The following APBB1 variants were observed in gnomAD, a reference collection of about 807,000 sequenced individuals.
The protein encoded by APBB1 is adaptor protein FE65a2.
Under a neutral mutation model 78.4 loss-of-function variants are expected in APBB1, and 22 were observed. That is an observed-to-expected ratio of 0.28 (90% CI 0.20 to 0.40). APBB1 has a LOEUF of 0.40. APBB1 is among the 10% of genes least tolerant of loss of function. APBB1 has a pLI of 1.00. For missense variants in APBB1, 749 were observed against 932.4 expected (o/e 0.80, Z 2.56); for synonymous variants, 369 against 372.7 (o/e 0.99, Z 0.12).
At chr11:6,404,193 G>A (rs547209450) in intron 2 of APBB1, 4 of 365,794 alleles carry the variant, frequency 1.1e-5, no homozygotes, top group East Asian at 4.4e-5. Context: ...TCCTGCACAC[G>A]TACATGTATA....
chr11:6,416,413 A>G (rs1291404655), intron 1 of APBB1, among the ~76,000 whole-genome samples: 1 of 152,118 alleles, frequency 6.6e-6, no homozygotes, highest in Non-Finnish European at 1.5e-5. Flanking sequence ...TCAAATCTCC[A>G]TTTCAGACCC....
chr11:6,401,876 G>A lies in APBB1; in HGVS notation c.1388+101C>T, dbSNP rs769744896. On this transcript the variant is annotated intron_variant, in intron 9 of 14. Coordinates refer to ENST00000609360, the MANE Select transcript of APBB1 (RefSeq NM_001164.5). The surrounding 1 kb of genome is among the most constrained non-coding windows in gnomAD (Gnocchi z 4.5). ...CAAGCATGCTGAGGTGGAGGGTAAT[G>A]GTGGAGCATAGCGGGTGGGAAGGGG... The A allele has an allele frequency of 3.3e-6, 5 of 1,503,362 alleles. No homozygotes were observed. In the Admixed American group the frequency reaches 5.6e-5, roughly 17 times the overall value. The allele number at this position is 1,503,362 out of a possible 1,614,324, so 93.1% of individuals were successfully genotyped here. A position where few individuals can be genotyped will look rare whatever the true frequency, so the allele number is the denominator to read the frequency against.
intron 1 of APBB1, among the ~76,000 whole-genome samples, chr11:6,416,745 CTTT>C (rs777458150): frequency 6.3e-5 from 9 of 142,880 alleles, no homozygotes; most frequent in Non-Finnish European, 7.7e-5. Flanking sequence ...ACAAAATTCC[CTTT>C]TTTTTTTTTT....
chr11:6,411,020 G>C lies in APBB1; in HGVS notation c.328C>G (p.Pro110Ala). 1 of 1,614,148 alleles carries C rather than the reference G, an allele frequency of 6.2e-7. No homozygotes were observed. The highest frequency in any genetic ancestry group is 8.5e-7 in the Non-Finnish European group (1 of 1,180,034). Residue 110 changes from proline to alanine, a missense_variant, in exon 2 of 15, where the codon CCC becomes GCC. Pro to Ala is a conservative substitution (Grantham distance 27, BLOSUM62 -1). Around this residue, in one of 3 missense-constraint regions of APBB1, gnomAD observed 635 missense variants for 765.0 expected, o/e 0.83. Transcript: ENST00000609360. The surrounding 1 kb of genome is among the most constrained non-coding windows in gnomAD (Gnocchi z 5.2). ...GAGTACAGGTGTATCAGGCCTTTGG[G>C]GCCCAAGGGTGCCATCTCAGGCTCC... ...SQEPEMAPLG[P>A]KGLIHLYSEL... is the part of the protein sequence containing the mutation.
chr11:6,405,203 C>T lies in APBB1; in HGVS notation c.722-1381G>A, dbSNP rs576062875. The T allele has an allele frequency of 1.3e-4, 142 of 1,101,014 alleles. No individual in the cohort carries two copies. The African/African-American group carries it at 1.6e-3, about 12-fold the overall frequency. 68.2% of individuals were successfully genotyped at this position (1,101,014 alleles called of 1,614,324 possible). On this transcript the variant is annotated intron_variant, in intron 2 of 14. Coordinates refer to ENST00000609360, the MANE Select transcript of APBB1 (RefSeq NM_001164.5). ...AGCCCCTAAGGAATACCCCAGCTGC[C>T]TGGGGCCCTGCAGAGCCTATAGCTG... is the stretch of plus-strand genomic sequence containing the variant.
chr11:6,410,755 C>G lies in APBB1; in HGVS notation c.593G>C (p.Gly198Ala), dbSNP rs1446244825. 1 of 1,584,324 alleles carries G rather than the reference C, an allele frequency of 6.3e-7. No homozygotes were observed. The highest frequency in any genetic ancestry group is 8.6e-7 in the Non-Finnish European group (1 of 1,164,566). Residue 198 changes from glycine to alanine, a missense_variant, in exon 2 of 15, where the codon GGC becomes GCC. Physicochemically the swap from Gly to Ala is moderately conservative, Grantham distance 60. Around this residue, in one of 3 missense-constraint regions of APBB1, gnomAD observed 635 missense variants for 765.0 expected, o/e 0.83. Coordinates refer to ENST00000609360, the MANE Select transcript of APBB1 (RefSeq NM_001164.5). Reference sequence around the variant, plus strand: ...GGCACTCTTGCTGTGTTCCCGGGGGCCATCTGTAAGGGCTTGGGGCCTGGG... The same window carrying G: ...GGCACTCTTGCTGTGTTCCCGGGGGGCATCTGTAAGGGCTTGGGGCCTGGG... ...APPRPQALTDGPREHSKSASL... is the reference protein window; with the variant it reads ...APPRPQALTDAPREHSKSASL...
chr11:6,405,271 G>A (rs566857799), intron 2 of APBB1: 23 of 1,000,698 alleles, frequency 2.3e-5, no homozygotes, highest in Middle Eastern at 5.1e-4. Flanking sequence ...CAGGGATCCC[G>A]CCCCTGTCCA....
intron 2 of APBB1, chr11:6,405,376 C>A: frequency 1.0e-6 from 1 of 987,060 alleles, no homozygotes; most frequent in East Asian, 1.1e-4. Flanking sequence ...GCACCACCCC[C>A]CACCCCTCAC....
At chr11:6,406,252 ATTCC>A (rs951898507) in intron 2 of APBB1, among the ~76,000 whole-genome samples, 1 of 152,212 alleles carries the variant, frequency 6.6e-6, no homozygotes, top group Non-Finnish European at 1.5e-5. Context: ...TTCACGTATC[ATTCC>A]TTCCTTCCTT....
At position 6,403,259 on chromosome 11, in the gene APBB1, C is replaced by T; in HGVS notation, c.1041-51G>A. ...ACAGGGCTCCCATAAATGGAGCTGTCCCAAGGCCCCTTCCAGACAGATCCA... is the reference window on the plus strand; with the variant it reads ...ACAGGGCTCCCATAAATGGAGCTGTTCCAAGGCCCCTTCCAGACAGATCCA... On this transcript the variant is annotated intron_variant, in intron 5 of 14. Coordinates refer to ENST00000609360, the MANE Select transcript of APBB1 (RefSeq NM_001164.5). This position sits in a 1 kb window ranked among gnomAD's most constrained non-coding sequence, Gnocchi z 5.3. 1 of 1,610,688 alleles carries T rather than the reference C, an allele frequency of 6.2e-7. No individual in the cohort carries two copies. The highest frequency in any genetic ancestry group is 8.5e-7 in the Non-Finnish European group (1 of 1,177,992).
Position 6,410,636 on chromosome 11 carries a change from C to T in APBB1, c.712G>A (p.Glu238Lys), listed in dbSNP as rs1848933965. 6.6e-7 allele frequency: 1 copy of T among 1,516,604 alleles called. No individual in the cohort carries two copies. The highest frequency in any genetic ancestry group is 1.3e-5 in the South Asian group (1 of 74,790). 93.9% of individuals were successfully genotyped at this position (1,516,604 alleles called of 1,614,324 possible). A position where few individuals can be genotyped will look rare whatever the true frequency, so the allele number is the denominator to read the frequency against. ...SQGSPSYGSP[E>K]DTDSFWNPNA... Reference sequence around the variant, plus strand: ...AAGCTCCACAAGGTACCTGTGTCCTCTGGGGAGCCATAGGAGGGGCTGCCC... The same window carrying T: ...AAGCTCCACAAGGTACCTGTGTCCTTTGGGGAGCCATAGGAGGGGCTGCCC... Residue 238 changes from glutamate (E) to lysine (K), a missense_variant, in exon 2 of 15, where the codon GAG becomes AAG. Glu to Lys is a moderately conservative substitution (Grantham distance 56). Coordinates refer to ENST00000609360, the MANE Select transcript of APBB1 (RefSeq NM_001164.5).
intron 2 of APBB1, chr11:6,405,420 C>A: frequency 1.0e-6 from 1 of 987,262 alleles, no homozygotes; most frequent in Non-Finnish European, 1.2e-6. Flanking sequence ...AGCGTCTCCT[C>A]GGCAACCGCA....
Position 6,402,859 on chromosome 11 carries a change from G to A in APBB1, c.1105-134C>T, listed in dbSNP as rs1848599833. The A allele has an allele frequency of 1.1e-5, 13 of 1,159,954 alleles. No homozygotes were observed. The South Asian group carries it at 1.9e-4, about 17-fold the overall frequency. 71.9% of individuals were successfully genotyped at this position (1,159,954 alleles called of 1,614,324 possible). On this transcript the variant is annotated intron_variant, in intron 6 of 14. Coordinates refer to ENST00000609360, the MANE Select transcript of APBB1 (RefSeq NM_001164.5). ...AGCTCCCCAAACAGGATGTGGTTAG[G>A]GAGAGGGGGATGTGGTTAGGGTGAG... is the stretch of plus-strand genomic sequence containing the variant.
At chr11:6,417,035 C>T (rs1379661719) in intron 1 of APBB1, among the ~76,000 whole-genome samples, 2 of 152,242 alleles carry the variant, frequency 1.3e-5, no homozygotes, top group African/African-American at 4.8e-5. Context: ...TGAGCCATCA[C>T]GCCTGGCCCT....
upstream of APBB1, chr11:6,419,242 G>A (rs998820285): frequency 4.0e-4 from 119 of 294,504 alleles, no homozygotes; most frequent in African/African-American, 2.4e-3. Flanking sequence ...TCGGACCTCG[G>A]TGAGCCCCGC....
Position 6,401,454 on chromosome 11 carries a change from G to T in APBB1, c.1504-25C>A, listed in dbSNP as rs1415015529. ...TCTGAGGAAGGAAGGGAGGCGAGGAGCCAGGGAGAATCTATTAGAGCCTCA... is the reference window on the plus strand; with the variant it reads ...TCTGAGGAAGGAAGGGAGGCGAGGATCCAGGGAGAATCTATTAGAGCCTCA... On this transcript the variant is annotated intron_variant, in intron 10 of 14. Coordinates refer to ENST00000609360, the MANE Select transcript of APBB1 (RefSeq NM_001164.5). This position sits in a 1 kb window ranked among gnomAD's most constrained non-coding sequence, Gnocchi z 4.5. 1 of 1,613,106 alleles carries T rather than the reference G, an allele frequency of 6.2e-7. No individual in the cohort carries two copies.
In APBB1 at chr11:6,411,239, T is replaced by G. The variant is rs1340466010; in HGVS notation, c.109A>C (p.Asn37His). The G allele has an allele frequency of 6.2e-7, 1 of 1,607,144 alleles. No homozygotes were observed. The highest frequency in any genetic ancestry group is 8.5e-7 in the Non-Finnish European group (1 of 1,177,730). Residue 37 changes from asparagine (N) to histidine (H), a missense_variant, in exon 2 of 15, where the codon AAC becomes CAC. Around this residue, in one of 3 missense-constraint regions of APBB1, gnomAD observed 635 missense variants for 765.0 expected, o/e 0.83. Transcript: ENST00000609360. The surrounding 1 kb of genome is among the most constrained non-coding windows in gnomAD (Gnocchi z 5.2). ...ACAGCTGTGGCCTGCAGCTTGGCGT[T>G]GAGCAGCTGGTTGTGGGCAGCGTGC... Reference protein sequence around the residue: ...PLHAAHNQLLNAKLQATAVGP... With the variant: ...PLHAAHNQLLHAKLQATAVGP...
At position 6,411,531 on chromosome 11, in the gene APBB1, A is replaced by G. The variant is rs547917342; in HGVS notation, c.-14-170T>C. ...GACTGGGTTCAACTTCTGTCCCAGC[A>G]CTATCATCCCCATCACAGTCCAGGC... On this transcript the variant is annotated intron_variant, in intron 1 of 14. Coordinates refer to ENST00000609360, the MANE Select transcript of APBB1 (RefSeq NM_001164.5). This position sits in a 1 kb window ranked among gnomAD's most constrained non-coding sequence, Gnocchi z 5.2. Among the ~76,000 whole-genome samples the G allele has an allele frequency of 6.6e-6, 1 of 152,212 alleles. No individual in the cohort carries two copies. The highest frequency in any genetic ancestry group is 6.5e-5 in the Admixed American group (1 of 15,294).
At chr11:6,410,297 CATA>C (rs1242155763) in intron 2 of APBB1, among the ~76,000 whole-genome samples, 4 of 152,160 alleles carry the variant, frequency 2.6e-5, no homozygotes, top group Non-Finnish European at 5.9e-5. Flanking sequence ...TGGGAATCAT[CATA>C]ATATTTACCT....
Sources: allele counts gnomAD v4.1 joint callset (sites outside exome capture counted in the v4.1 genomes callset), GRCh38; gene constraint gnomAD v4.1.1; regional missense constraint gnomAD v4.1.1; non-coding constraint Gnocchi (gnomAD v3.1); transcripts MANE v1.5; gene names NCBI Gene and HGNC (gene_info 2026-07-23, HGNC 2026-07-21).